Variants in CMTM4 observed in about 807,000 individuals in gnomAD.
CMTM4 encodes CKLF like MARVEL transmembrane domain containing 4.
CMTM4 carries 8 observed loss-of-function variants against 19.0 expected under a neutral mutation model. The observed-to-expected ratio is 0.42, with a 90% CI of 0.25 to 0.76. CMTM4 has a LOEUF of 0.76. Ranked by LOEUF, CMTM4 falls within the 30% of genes least tolerant of loss-of-function variation. The pLI, the probability that CMTM4 is intolerant of heterozygous loss-of-function variation, is 0.27. For synonymous variants in CMTM4, 106 were observed against 121.1 expected, an observed-to-expected ratio of 0.88 and a Z score of 0.82; for missense variants, 228 against 290.2, an observed-to-expected ratio of 0.79 and a Z score of 1.56.
In CMTM4 at chr16:66,685,552, T is replaced by C. The variant is rs559116325; in HGVS notation, c.186+10788A>G. On this transcript the variant is annotated intron_variant, in intron 1 of 3. Transcript: ENST00000394106. ...CAGGCACCCAGGTATGCATTCATTC[T>C]ACCGAGAGAGAAGCATCCTGACACA... Among the ~76,000 whole-genome samples the C allele has an allele frequency of 3.3e-5, 5 of 152,314 alleles. No homozygotes were observed. In the South Asian group the frequency reaches 8.3e-4, roughly 25 times the overall value.
chr16:66,641,113 T>C (rs944322665), intron 1 of CMTM4, among the ~76,000 whole-genome samples: 1 of 152,198 alleles, frequency 6.6e-6, no homozygotes, highest in Non-Finnish European at 1.5e-5. Context: ...GATGCAATCA[T>C]AGCTCACTGC....
chr16:66,622,082 A>G lies in CMTM4; in HGVS notation c.603T>C (p.Pro201=), dbSNP rs1158181807. 1.9e-6 allele frequency: 3 copies of G among 1,576,006 alleles called. No individual in the cohort carries two copies. The highest frequency in any genetic ancestry group is 1.9e-5 in the Admixed American group (1 of 53,638). Reference sequence around the variant, plus strand: ...CTCACGTGTCCAGGCGCTGGATCTCAGGGCGACTGTCCACATCCCTGGACT... The same window carrying G: ...CTCACGTGTCCAGGCGCTGGATCTCGGGGCGACTGTCCACATCCCTGGACT... ...RTESRDVDSR[P]EIQRLDT Residue 201 remains proline (P), a synonymous_variant, in exon 4 of 4, where the codon CCT becomes CCC. Coordinates refer to ENST00000394106, the MANE Select transcript of CMTM4 (RefSeq NM_181521.3). The surrounding 1 kb of genome is among the most constrained non-coding windows in gnomAD (Gnocchi z 4.0).
chr16:66,613,694 C>G (rs2015468809), downstream of CMTM4: 1 of 152,528 alleles, frequency 6.6e-6, no homozygotes, highest in Non-Finnish European at 1.5e-5. Flanking sequence ...TATTCTCTTG[C>G]GTGTGAATCT....
rs374596353 is a variant in CMTM4, at chr16:66,621,145, G to GGTGTGT, written c.*907_*912dup. On this transcript the variant is annotated 3_prime_UTR_variant, in exon 4 of 4. Coordinates refer to ENST00000394106, the MANE Select transcript of CMTM4 (RefSeq NM_181521.3). ...TTAGCACACATCCCTAAAATAGAGG[G>GGTGTGT]GTGTGTGTGTGCATGTGTGCGCGCA... The GGTGTGT allele has an allele frequency of 1.0e-6, 1 of 985,606 alleles. No homozygotes were observed. The highest frequency in any genetic ancestry group is 4.7e-5 in the South Asian group (1 of 21,290). 61.1% of individuals were successfully genotyped at this position (985,606 alleles called of 1,614,324 possible).
chr16:66,695,337 G>A (rs958512303), intron 1 of CMTM4, among the ~76,000 whole-genome samples: 7 of 151,682 alleles, frequency 4.6e-5, no homozygotes, highest in African/African-American at 1.5e-4. Flanking sequence ...ACAGAGACCC[G>A]GTCTCAAAAA....
intron 1 of CMTM4, among the ~76,000 whole-genome samples, chr16:66,679,094 A>G (rs112918529): frequency 0.042 from 6,427 of 151,410 alleles, 260 homozygotes; most frequent in East Asian, 0.15. Context: ...GCAAGACTCC[A>G]TCTAAAAAAA....
chr16:66,651,872 G>C (rs1347368248), intron 1 of CMTM4, among the ~76,000 whole-genome samples: 5 of 152,220 alleles, frequency 3.3e-5, no homozygotes, highest in African/African-American at 1.2e-4. Flanking sequence ...ATCGAGCAAT[G>C]AGCAAATAAT....
At chr16:66,687,403 T>G (rs2017053354) in intron 1 of CMTM4, among the ~76,000 whole-genome samples, 1 of 152,152 alleles carries the variant, frequency 6.6e-6, no homozygotes. Context: ...CAGTGGCTCA[T>G]GCCTGTAAAC....
intron 1 of CMTM4, among the ~76,000 whole-genome samples, chr16:66,687,656 T>C (rs2144919459): frequency 6.6e-6 from 1 of 151,710 alleles, no homozygotes; most frequent in East Asian, 1.9e-4. Context: ...TTCTGGTTGC[T>C]ATAACCAAAT....
At chr16:66,626,466 AC>A (rs1223123554) in intron 2 of CMTM4, among the ~76,000 whole-genome samples, 1 of 152,214 alleles carries the variant, frequency 6.6e-6, no homozygotes, top group African/African-American at 2.4e-5. Context: ...TTAGCCAGGC[AC>A]GGTGGCATGC....
intron 1 of CMTM4, among the ~76,000 whole-genome samples, chr16:66,646,479 G>T (rs2016202680): frequency 1.3e-5 from 2 of 151,944 alleles, no homozygotes; most frequent in African/African-American, 4.8e-5. Flanking sequence ...AGAATCTATA[G>T]TAAAATATTG....
intron 1 of CMTM4, among the ~76,000 whole-genome samples, chr16:66,674,310 A>C (rs907126441): frequency 6.6e-6 from 1 of 152,136 alleles, no homozygotes; most frequent in African/African-American, 2.4e-5. Context: ...CTGGCTTACT[A>C]GTGAGTCCTG....
At chr16:66,677,683 G>C (rs2016833273) in intron 1 of CMTM4, among the ~76,000 whole-genome samples, 1 of 152,070 alleles carries the variant, frequency 6.6e-6, no homozygotes, top group African/African-American at 2.4e-5. Flanking sequence ...AAAGGGCATG[G>C]TCCTAAGTGT....
intron 1 of CMTM4, among the ~76,000 whole-genome samples, chr16:66,679,242 T>C (rs1293651378): frequency 1.3e-5 from 2 of 152,204 alleles, no homozygotes; most frequent in Admixed American, 1.3e-4. Flanking sequence ...CTTTGAAGTC[T>C]GCTGGCAAGA....
chr16:66,606,580 C>G, the CMTM4 span, among the ~76,000 whole-genome samples: 3 of 152,206 alleles, frequency 2.0e-5, no homozygotes, highest in Non-Finnish European at 4.4e-5. Flanking sequence ...TGGGTGTCCC[C>G]ATGGGGACTC....
At chr16:66,631,735 T>C (rs1472347997) in intron 2 of CMTM4, among the ~76,000 whole-genome samples, 2 of 152,070 alleles carry the variant, frequency 1.3e-5, no homozygotes, top group Non-Finnish European at 2.9e-5. Flanking sequence ...GAAGGCAACA[T>C]GCTCCTTAAG....
At chr16:66,675,333 G>A (rs1429791411) in intron 1 of CMTM4, among the ~76,000 whole-genome samples, 2 of 149,598 alleles carry the variant, frequency 1.3e-5, no homozygotes, top group Non-Finnish European at 1.5e-5. Context: ...CATCCTCTTC[G>A]GGCCTCCCAA....
chr16:66,689,642 A>T (rs1355427847), intron 1 of CMTM4, among the ~76,000 whole-genome samples: 1 of 152,154 alleles, frequency 6.6e-6, no homozygotes, highest in Non-Finnish European at 1.5e-5. Context: ...CCTGGGCTCA[A>T]GCAATCCACC....
At chr16:66,609,652 T>C in the CMTM4 span, 1 of 1,521,820 alleles carries the variant, frequency 6.6e-7, no homozygotes, top group Non-Finnish European at 8.9e-7. This position sits in a 1 kb window ranked among gnomAD's most constrained non-coding sequence, Gnocchi z 4.4. Context: ...TGGGTCCCGA[T>C]GATGATTCCA....
Sources: gnomAD v4.1 joint callset for allele counts (sites outside exome capture counted in the v4.1 genomes callset) on GRCh38, gnomAD v4.1.1 for gene constraint, Gnocchi (gnomAD v3.1) non-coding constraint, MANE v1.5 for transcripts, NCBI Gene and HGNC (gene_info 2026-07-23, HGNC 2026-07-21) for gene names.